Variants in MMP26 observed in about 807,000 individuals in gnomAD.
The protein encoded by MMP26 is matrix metallopeptidase 26, also known as matrix metalloproteinase-26.
In MMP26, 33 loss-of-function variants were observed where a neutral mutation model predicts 31.0. That is an observed-to-expected ratio of 1.06 (90% CI 0.81 to 1.42). The LOEUF is 1.42. Among genes scored for constraint, MMP26 ranks in the 40% most tolerant of loss-of-function variants. The pLI is 0.00. For missense variants in MMP26, 347 were observed against 316.1 expected (o/e 1.10, Z -0.74); for synonymous variants, 122 against 114.9 (o/e 1.06, Z -0.40).
chr11:4,813,870 G>T (rs7944991), intron 2 of MMP26, among the ~76,000 whole-genome samples: 3,069 of 151,940 alleles, frequency 0.02, 66 homozygotes, highest in African/African-American at 0.045. Context: ...AAAGTGAAAA[G>T]TCAAGTCACA....
intron 2 of MMP26, among the ~76,000 whole-genome samples, chr11:4,965,687 G>A (rs1389931974): frequency 2.0e-5 from 3 of 152,186 alleles, no homozygotes; most frequent in Non-Finnish European, 4.4e-5. Context: ...AACAGATGGG[G>A]AATTTGTTCT....
intron 2 of MMP26, among the ~76,000 whole-genome samples, chr11:4,889,426 T>C (rs117918893): frequency 2.0e-5 from 3 of 152,158 alleles, no homozygotes; most frequent in East Asian, 1.9e-4. Flanking sequence ...TCAATCACAC[T>C]TTTTTTCTGA....
intron 2 of MMP26, among the ~76,000 whole-genome samples, chr11:4,804,899 G>A (rs1849245307): frequency 6.6e-6 from 1 of 151,020 alleles, no homozygotes; most frequent in South Asian, 2.1e-4. Flanking sequence ...GAACCCAGGA[G>A]TTGGACGTTG....
intron 2 of MMP26, among the ~76,000 whole-genome samples, chr11:4,884,909 C>G (rs1378445245): frequency 6.6e-6 from 1 of 151,956 alleles, no homozygotes. Flanking sequence ...CAGGGTAATA[C>G]CTCAAGAGAT....
intron 2 of MMP26, among the ~76,000 whole-genome samples, chr11:4,851,468 T>C (rs1849974494): frequency 6.6e-6 from 1 of 152,110 alleles, no homozygotes; most frequent in Non-Finnish European, 1.5e-5. Context: ...CTGGAATCTA[T>C]AGGAAGAAAT....
At chr11:4,927,457 A>G (rs1388408634) in intron 2 of MMP26, among the ~76,000 whole-genome samples, 1 of 152,164 alleles carries the variant, frequency 6.6e-6, no homozygotes, top group Non-Finnish European at 1.5e-5. Flanking sequence ...AGCTAGGACT[A>G]GAACCACAGG....
At chr11:4,939,504 T>C (rs113779101) in intron 2 of MMP26, among the ~76,000 whole-genome samples, 2,847 of 152,282 alleles carry the variant, frequency 0.019, 36 homozygotes, top group Middle Eastern at 0.037. Flanking sequence ...TTGTTATCTG[T>C]ATAGGTTGTA....
intron 2 of MMP26, among the ~76,000 whole-genome samples, chr11:4,807,767 T>A (rs1334424533): frequency 6.6e-6 from 1 of 152,156 alleles, no homozygotes; most frequent in African/African-American, 2.4e-5. Context: ...TAAAGTATAA[T>A]TTTTAAAAAA....
intron 2 of MMP26, among the ~76,000 whole-genome samples, chr11:4,888,431 G>T (rs570969362): frequency 1.3e-5 from 2 of 151,816 alleles, no homozygotes; most frequent in Admixed American, 6.6e-5. Flanking sequence ...TAGTGAAATC[G>T]AAACACTAGA....
At chr11:4,748,606 G>A (rs547341420) in intron 1 of MMP26, among the ~76,000 whole-genome samples, 3 of 149,390 alleles carry the variant, frequency 2.0e-5, no homozygotes, top group South Asian at 2.1e-4. Context: ...ACAATGAAGC[G>A]GGTTTTATTC....
chr11:4,988,448 T>C, intron 3 of MMP26, 138 bp downstream of exon 3: 1 of 720,602 alleles, frequency 1.4e-6, no homozygotes, highest in Non-Finnish European at 2.4e-6. Context: ...TTTTATTCTA[T>C]CTATGTGTTC....
chr11:4,814,017 C>T (rs769878582), intron 2 of MMP26, among the ~76,000 whole-genome samples: 1 of 151,964 alleles, frequency 6.6e-6, no homozygotes, highest in Non-Finnish European at 1.5e-5. Context: ...GGTCAATGCG[C>T]ATATGAAAAG....
At position 4,892,093 on chromosome 11, in the gene MMP26, A is replaced by G. The variant is rs529718135; in HGVS notation, c.-144-95975A>G. The stretch of plus-strand genomic sequence containing the variant: ...AAAAGTTTTATTGAGAGGCTAGGGC[A>G]CTGTAAAAGAACTCTTGACAGTTAG... On this transcript the variant is annotated intron_variant, in intron 2 of 7. Coordinates refer to ENST00000380390, the MANE Select transcript of MMP26 (RefSeq NM_021801.5). 3.3e-5 allele frequency among the ~76,000 whole-genome samples: 5 copies of G among 152,248 alleles called. No individual in the cohort carries two copies. In the East Asian group the frequency reaches 9.6e-4, roughly 29 times the overall value.
intron 1 of MMP26, chr11:4,722,686 T>C: frequency 2.8e-6 from 2 of 726,540 alleles, no homozygotes; most frequent in Admixed American, 1.9e-5. Context: ...CCTCCTGTGC[T>C]TTCCCGCAGC....
chr11:4,968,406 G>A (rs943008530), intron 2 of MMP26, among the ~76,000 whole-genome samples: 1 of 151,666 alleles, frequency 6.6e-6, no homozygotes, highest in African/African-American at 2.4e-5. Context: ...AGGCCCTCTG[G>A]GAAATCTCAA....
At chr11:4,827,628 A>G (rs1849595261) in intron 2 of MMP26, among the ~76,000 whole-genome samples, 1 of 151,960 alleles carries the variant, frequency 6.6e-6, no homozygotes, top group Non-Finnish European at 1.5e-5. Flanking sequence ...GGTGATATTA[A>G]TAATAATATT....
chr11:4,795,843 GGAGAGAGAGAGAGAGAGAGA>G (rs142600384), intron 2 of MMP26, among the ~76,000 whole-genome samples: 1 of 142,174 alleles, frequency 7.0e-6, no homozygotes, highest in African/African-American at 2.6e-5. Flanking sequence ...AGAGAGAGAG[GGAGAGAGAGAGAGAGAGAGA>G]GAGAGAGACC....
In MMP26 at chr11:4,805,432, G is replaced by A. The variant is rs1391719105; in HGVS notation, c.-145+38091G>A. Among the ~76,000 whole-genome samples the A allele has an allele frequency of 6.4e-4, 98 of 152,188 alleles. 1 individual carries two copies. The highest frequency in any genetic ancestry group is 1.2e-4 in the Non-Finnish European group (8 of 68,034). Reference sequence around the variant, plus strand: ...TCAATTCAGCCATTGTAGTGTGAAAGTAACCATAGTCAACACATAAATGTG... The same window carrying A: ...TCAATTCAGCCATTGTAGTGTGAAAATAACCATAGTCAACACATAAATGTG... On this transcript the variant is annotated intron_variant, in intron 2 of 7. Coordinates refer to ENST00000380390, the MANE Select transcript of MMP26 (RefSeq NM_021801.5).
At chr11:4,731,089 C>T (rs947603998) in intron 1 of MMP26, among the ~76,000 whole-genome samples, 6 of 152,048 alleles carry the variant, frequency 3.9e-5, no homozygotes, top group Admixed American at 2.0e-4. Flanking sequence ...GGATTACAGG[C>T]GTGCACCACC....
Sources: allele counts gnomAD v4.1 joint callset (sites outside exome capture counted in the v4.1 genomes callset), GRCh38; gene constraint gnomAD v4.1.1; transcripts MANE v1.5; gene names NCBI Gene and HGNC (gene_info 2026-07-23, HGNC 2026-07-21).